Variants in PWWP2A observed in about 807,000 individuals in gnomAD.
The protein encoded by PWWP2A is PWWP domain-containing protein 2A.
Under a neutral mutation model 48.5 loss-of-function variants are expected in PWWP2A, and 18 were observed. The ratio of observed to expected loss-of-function variants is 0.37; its 90% CI spans 0.26 to 0.55. The LOEUF is 0.55. Among genes scored for constraint, PWWP2A ranks in the 20% least tolerant of loss-of-function variants. The probability of loss-of-function intolerance (pLI) is 0.81; values close to 1 mark genes in which losing one functional copy is unlikely to be tolerated. For missense variants in PWWP2A, 867 were observed against 976.4 expected (o/e 0.89, Z 1.49); for synonymous variants, 396 against 387.7 (o/e 1.02, Z -0.25).
downstream of PWWP2A, among the ~76,000 whole-genome samples, chr5:160,059,654 A>C (rs1757646540): frequency 6.6e-6 from 1 of 152,176 alleles, no homozygotes; most frequent in Admixed American, 6.5e-5. Context: ...AGAGGGAGAG[A>C]TACAAGGGAA....
At chr5:160,100,485 G>A (rs1338992987) in intron 1 of PWWP2A, among the ~76,000 whole-genome samples, 1 of 151,610 alleles carries the variant, frequency 6.6e-6, no homozygotes, top group Non-Finnish European at 1.5e-5. Flanking sequence ...AAAAGGCCAG[G>A]AGCAGGAATG....
At chr5:160,048,456 G>A in the PWWP2A span, among the ~76,000 whole-genome samples, 1 of 152,038 alleles carries the variant, frequency 6.6e-6, no homozygotes, top group Non-Finnish European at 1.5e-5. Flanking sequence ...CACCCGGCCA[G>A]CACTGCTTTC....
intron 4 of PWWP2A, chr5:160,065,436 A>G (rs1213185609): frequency 1.1e-5 from 5 of 465,780 alleles, no homozygotes; most frequent in South Asian, 7.7e-5. Context: ...CCCAGACATG[A>G]TTGATGACGG....
At chr5:160,112,938 C>G (rs1757738797) in intron 1 of PWWP2A, among the ~76,000 whole-genome samples, 2 of 152,142 alleles carry the variant, frequency 1.3e-5, no homozygotes, top group Non-Finnish European at 2.9e-5. Context: ...AGGAGGATTA[C>G]CTGAGGTCAG....
chr5:160,092,013 G>GATGGATATATATATATATATATATAT lies in PWWP2A; in HGVS notation c.*368_*369insATATATATATATATATATATATCCAT, dbSNP rs1554101247. On this transcript the variant is annotated 3_prime_UTR_variant, in exon 2 of 2. Coordinates refer to ENST00000307063, the MANE Select transcript of PWWP2A (RefSeq NM_001130864.2). The stretch of plus-strand genomic sequence containing the variant: ...ATATGTGTGTATATATACATACACG[G>GATGGATATATATATATATATATATAT]ATATATATATATACACACACACACA... The GATGGATATATATATATATATATATAT allele has an allele frequency of 3.2e-6, 1 of 310,614 alleles. No homozygotes were observed. Among genetic ancestry groups the GATGGATATATATATATATATATATAT allele is most frequent in the African/African-American group, 3.1e-5 (1 of 31,960 alleles). The allele number at this position is 310,614 out of a possible 1,614,324, so 19.2% of individuals were successfully genotyped here. A position where few individuals can be genotyped will look rare whatever the true frequency, so the allele number is the denominator to read the frequency against.
the PWWP2A span, chr5:160,051,282 G>T: frequency 1.9e-5 from 18 of 943,722 alleles, no homozygotes; most frequent in East Asian, 1.0e-4. Flanking sequence ...AGAAAGTTTC[G>T]GACTCTACCA....
At chr5:160,108,139 T>TTTC (rs199973894) in intron 1 of PWWP2A, among the ~76,000 whole-genome samples, 1,938 of 152,032 alleles carry the variant, frequency 0.013, 45 homozygotes, top group African/African-American at 0.044. Context: ...TTTTTTTTTC[T>TTTC]TTTTTTTCTA....
rs574326750 is a variant in PWWP2A, at chr5:160,083,327, G to A, written c.1550-2557C>T. On this transcript the variant is annotated intron_variant, in intron 2 of 3. Coordinates refer to the PWWP2A transcript ENST00000456329. Reference sequence around the variant, plus strand: ...ACAGCATCCCCAAAATGACCCATGGGTAAAAATGACTATCCTCTGGAAAAT... The same window carrying A: ...ACAGCATCCCCAAAATGACCCATGGATAAAAATGACTATCCTCTGGAAAAT... Among the ~76,000 whole-genome samples, 15 of 152,218 alleles carry A rather than the reference G, an allele frequency of 9.9e-5. No individual in the cohort carries two copies. The South Asian group carries it at 2.3e-3, about 23-fold the overall frequency.
downstream of PWWP2A, among the ~76,000 whole-genome samples, chr5:160,058,884 G>T (rs970219641): frequency 6.6e-6 from 1 of 152,086 alleles, no homozygotes; most frequent in African/African-American, 2.4e-5. Flanking sequence ...TTTTTGAAAG[G>T]AATCTTCTTT....
At chr5:160,090,901 T>C (rs893801606), downstream of PWWP2A, 102 of 984,490 alleles carry the variant, frequency 1.0e-4, no homozygotes, top group Non-Finnish European at 1.2e-4. Flanking sequence ...AAATGGAAAA[T>C]AAGAAATCAA....
At chr5:160,070,334 A>G (rs1753712475) in intron 2 of PWWP2A, among the ~76,000 whole-genome samples, 1 of 152,006 alleles carries the variant, frequency 6.6e-6, no homozygotes, top group South Asian at 2.1e-4. Context: ...CAAGCAAGGC[A>G]TGGTGGCACA....
intron 1 of PWWP2A, among the ~76,000 whole-genome samples, chr5:160,116,519 G>A (rs1291861089): frequency 6.6e-6 from 1 of 152,094 alleles, no homozygotes; most frequent in African/African-American, 2.4e-5. Context: ...ATATTCAAAT[G>A]GAAAAGGTTC....
At chr5:160,055,193 C>T in the PWWP2A span, among the ~76,000 whole-genome samples, 2 of 152,146 alleles carry the variant, frequency 1.3e-5, no homozygotes, top group Admixed American at 6.5e-5. Flanking sequence ...TTATTTTATC[C>T]CGTATGCTGG....
At chr5:160,047,243 G>A in the PWWP2A span, among the ~76,000 whole-genome samples, 5 of 151,922 alleles carry the variant, frequency 3.3e-5, no homozygotes, top group African/African-American at 9.7e-5. Flanking sequence ...CAGATTTAAC[G>A]TGCCCAGCCC....
intron 3 of PWWP2A, chr5:160,080,594 A>T: frequency 7.1e-7 from 1 of 1,413,918 alleles, no homozygotes; most frequent in Non-Finnish European, 9.4e-7. Context: ...TTCAGGAATG[A>T]TTAAGTGATG....
At chr5:160,049,629 T>C in the PWWP2A span, 2 of 1,598,198 alleles carry the variant, frequency 1.3e-6, no homozygotes, top group Non-Finnish European at 1.7e-6. Flanking sequence ...TAGAAAAAGA[T>C]CCATCAATAC....
chr5:160,097,118 C>G (rs1755732820), intron 1 of PWWP2A, among the ~76,000 whole-genome samples: 1 of 151,514 alleles, frequency 6.6e-6, no homozygotes, highest in Admixed American at 6.6e-5. Flanking sequence ...GGGCAAATTG[C>G]TTGAGCCCAG....
intron 2 of PWWP2A, among the ~76,000 whole-genome samples, chr5:160,081,777 C>A (rs1754249016): frequency 6.6e-6 from 1 of 152,176 alleles, no homozygotes; most frequent in Admixed American, 6.5e-5. Flanking sequence ...AATTTTTAAA[C>A]ATATTGGCTT....
Position 160,092,660 on chromosome 5 carries a change from A to C in PWWP2A, c.1990T>G (p.Tyr664Asp). The C allele has an allele frequency of 6.4e-7, 1 of 1,551,688 alleles. No individual in the cohort carries two copies. ...CVGDIVWAKIYGFPWWPARIL... is the reference protein window; with the variant it reads ...CVGDIVWAKIDGFPWWPARIL... ...CGGGCTGGCCACCAAGGGAAGCCAT[A>C]TATCTTGGCCCAAACAATGTCCCCT... Residue 664 changes from tyrosine to aspartate, a missense_variant, in exon 2 of 2, where the codon TAT becomes GAT. Tyr to Asp is a radical substitution (Grantham distance 160). Coordinates refer to ENST00000307063, the MANE Select transcript of PWWP2A (RefSeq NM_001130864.2).
Sources: allele counts gnomAD v4.1 joint callset (sites outside exome capture counted in the v4.1 genomes callset), GRCh38; gene constraint gnomAD v4.1.1; transcripts MANE v1.5; gene names NCBI Gene and HGNC (gene_info 2026-07-23, HGNC 2026-07-21).